Variants in MACROD2 observed in about 807,000 individuals in gnomAD.
MACROD2 encodes the protein mono-ADP ribosylhydrolase 2.
In MACROD2, 36 loss-of-function variants were observed where a neutral mutation model predicts 70.4. The ratio of observed to expected loss-of-function variants is 0.51; its 90% CI spans 0.39 to 0.68. MACROD2 has a LOEUF of 0.68. Among genes scored for constraint, MACROD2 ranks in the 30% least tolerant of loss-of-function variants. The pLI, the probability that MACROD2 is intolerant of heterozygous loss-of-function variation, is 0.00. For missense variants in MACROD2, 496 were observed against 538.4 expected, an observed-to-expected ratio of 0.92 and a Z score of 0.78; for synonymous variants, 172 against 178.8, an observed-to-expected ratio of 0.96 and a Z score of 0.30.
At chr20:14,946,785 C>G (rs1187020729) in intron 5 of MACROD2, among the ~76,000 whole-genome samples, 1 of 152,088 alleles carries the variant, frequency 6.6e-6, no homozygotes, top group South Asian at 2.1e-4. Flanking sequence ...CATAGATATG[C>G]CTTTTTAAAG....
chr20:15,486,254 T>C (rs1308486622), intron 7 of MACROD2, among the ~76,000 whole-genome samples: 1 of 152,288 alleles, frequency 6.6e-6, no homozygotes, highest in Non-Finnish European at 1.5e-5. Flanking sequence ...AGCCCACCTA[T>C]ACTTCCAGTC....
intron 5 of MACROD2, among the ~76,000 whole-genome samples, chr20:15,207,829 T>G (rs2076724987): frequency 6.6e-6 from 1 of 152,214 alleles, no homozygotes; most frequent in Admixed American, 6.5e-5. Context: ...TCTGTTTTGC[T>G]GCATTCAAGA....
At chr20:15,129,625 A>G (rs1253090383) in intron 5 of MACROD2, among the ~76,000 whole-genome samples, 1 of 152,100 alleles carries the variant, frequency 6.6e-6, no homozygotes, top group Non-Finnish European at 1.5e-5. Flanking sequence ...TAATCATTCC[A>G]AGTTGTTTTT....
At position 14,684,363 on chromosome 20, in the gene MACROD2, A is replaced by G. The variant is rs559800540; in HGVS notation, c.302-480A>G. On this transcript the variant is annotated intron_variant, in intron 4 of 17. Transcript: ENST00000684519. ...GTTTTGAGGTGAGCACAAATGTTTC[A>G]GAGTACCTTTCTAGGTTTCTTACTG... is the stretch of plus-strand genomic sequence containing the variant. 9.8e-5 allele frequency among the ~76,000 whole-genome samples: 15 copies of G among 152,306 alleles called. No homozygotes were observed. The South Asian group carries it at 2.7e-3, about 27-fold the overall frequency.
At chr20:15,023,431 C>T (rs939037574) in intron 5 of MACROD2, among the ~76,000 whole-genome samples, 11 of 152,136 alleles carry the variant, frequency 7.2e-5, no homozygotes, top group Non-Finnish European at 7.3e-5. Context: ...GGCATGCTTT[C>T]CTAATCACAT....
At chr20:15,004,103 CG>C (rs1333105385) in intron 5 of MACROD2, among the ~76,000 whole-genome samples, 5 of 152,126 alleles carry the variant, frequency 3.3e-5, no homozygotes, top group Non-Finnish European at 7.4e-5. Flanking sequence ...AAGGCCTAAC[CG>C]GGGAGCTTTG....
intron 2 of MACROD2, among the ~76,000 whole-genome samples, chr20:14,044,004 C>T (rs146734469): frequency 1.1e-4 from 17 of 152,306 alleles, no homozygotes; most frequent in African/African-American, 3.8e-4. Flanking sequence ...TTACTTTCCA[C>T]GAGAAAGACA....
intron 6 of MACROD2, among the ~76,000 whole-genome samples, chr20:15,390,385 C>T (rs1042022727): frequency 1.3e-5 from 2 of 152,062 alleles, no homozygotes; most frequent in African/African-American, 4.8e-5. Context: ...TTTTCTTGGG[C>T]AGTTATTACC....
At chr20:15,007,955 A>G (rs756803488) in intron 5 of MACROD2, among the ~76,000 whole-genome samples, 4 of 152,344 alleles carry the variant, frequency 2.6e-5, no homozygotes, top group Non-Finnish European at 5.9e-5. Context: ...GAAATGTAGG[A>G]TCTGGAGGGT....
chr20:14,853,899 A>G (rs1269119515), intron 5 of MACROD2, among the ~76,000 whole-genome samples: 1 of 152,172 alleles, frequency 6.6e-6, no homozygotes, highest in Non-Finnish European at 1.5e-5. Flanking sequence ...AAGAGGAACC[A>G]TTAAACATAA....
intron 6 of MACROD2, among the ~76,000 whole-genome samples, chr20:15,339,192 T>C (rs985255148): frequency 1.3e-5 from 2 of 151,884 alleles, no homozygotes; most frequent in Non-Finnish European, 2.9e-5. Flanking sequence ...GGGTACATGA[T>C]AGATACCTTT....
At chr20:14,033,811 A>G (rs933972322) in intron 2 of MACROD2, among the ~76,000 whole-genome samples, 1 of 152,138 alleles carries the variant, frequency 6.6e-6, no homozygotes, top group African/African-American at 2.4e-5. Flanking sequence ...ATTTATATAA[A>G]TGTGTGTGTA....
intron 8 of MACROD2, among the ~76,000 whole-genome samples, chr20:15,829,329 A>G (rs182553221): frequency 8.5e-4 from 130 of 152,308 alleles, no homozygotes; most frequent in African/African-American, 3.0e-3. Flanking sequence ...GCAGCAACTT[A>G]TCAGTAGAAC....
At chr20:14,518,959 A>G (rs2085134551) in intron 4 of MACROD2, among the ~76,000 whole-genome samples, 2 of 152,210 alleles carry the variant, frequency 1.3e-5, no homozygotes, top group African/African-American at 4.8e-5. Context: ...AAAAGATTAA[A>G]GAACTGAAAA....
chr20:15,255,274 C>T (rs1399806575), intron 6 of MACROD2, among the ~76,000 whole-genome samples: 3 of 151,878 alleles, frequency 2.0e-5, no homozygotes, highest in African/African-American at 7.3e-5. Flanking sequence ...TATCATTGAC[C>T]TAGTCTGTTA....
At chr20:14,476,779 G>A (rs551902757) in intron 3 of MACROD2, among the ~76,000 whole-genome samples, 74 of 152,258 alleles carry the variant, frequency 4.9e-4, no homozygotes, top group Middle Eastern at 3.4e-3. Context: ...AAAATAGAGT[G>A]GATTAACTAA....
chr20:15,232,372 AAG>A (rs759594911), intron 6 of MACROD2, among the ~76,000 whole-genome samples: 18 of 152,076 alleles, frequency 1.2e-4, no homozygotes, highest in Non-Finnish European at 1.9e-4. Flanking sequence ...ACATGTCAAA[AAG>A]AATTTCTCAT....
intron 5 of MACROD2, among the ~76,000 whole-genome samples, chr20:14,770,750 A>G (rs1410578897): frequency 1.3e-5 from 2 of 152,106 alleles, no homozygotes; most frequent in African/African-American, 4.8e-5. Flanking sequence ...TATTTTCTCT[A>G]TTTTACATCT....
rs2075816161 is a variant in MACROD2, at chr20:15,094,724, T to G, written c.419-135216T>G. Reference sequence around the variant, plus strand: ...TTTCATGCTTGTTCTCCCTGTGTATTTTAAAATCTTTTTCTTTGTTTCTTA... The same window carrying G: ...TTTCATGCTTGTTCTCCCTGTGTATGTTAAAATCTTTTTCTTTGTTTCTTA... On this transcript the variant is annotated intron_variant, in intron 5 of 17. Coordinates refer to ENST00000684519, the MANE Select transcript of MACROD2 (RefSeq NM_001351661.2). Among the ~76,000 whole-genome samples the G allele has an allele frequency of 2.0e-5, 3 of 152,164 alleles. No individual in the cohort carries two copies. In the South Asian group the frequency reaches 6.2e-4, roughly 32 times the overall value.
Sources: allele counts gnomAD v4.1 joint callset (sites outside exome capture counted in the v4.1 genomes callset), GRCh38; gene constraint gnomAD v4.1.1; transcripts MANE v1.5; gene names NCBI Gene and HGNC (gene_info 2026-07-23, HGNC 2026-07-21).